Variants in PPM1B observed in about 807,000 individuals in gnomAD.
The protein encoded by PPM1B is protein phosphatase, Mg2+/Mn2+ dependent 1B, also known as protein phosphatase 1B.
Under a neutral mutation model 43.0 loss-of-function variants are expected in PPM1B, and 22 were observed. That is an observed-to-expected ratio of 0.51 (90% CI 0.37 to 0.73). The LOEUF is 0.73. Ranked by LOEUF, PPM1B falls within the 30% of genes least tolerant of loss-of-function variation. PPM1B has a pLI of 0.00. For synonymous variants in PPM1B, 217 were observed against 197.9 expected, an observed-to-expected ratio of 1.10 and a Z score of -0.81; for missense variants, 632 against 584.2, an observed-to-expected ratio of 1.08 and a Z score of -0.84.
At chr2:44,194,103 T>A (rs1457041334) in intron 1 of PPM1B, among the ~76,000 whole-genome samples, 3 of 151,748 alleles carry the variant, frequency 2.0e-5, no homozygotes, top group Non-Finnish European at 4.4e-5. Flanking sequence ...CTCTTAAGGA[T>A]TTTTTTTTCC....
intron 1 of PPM1B, among the ~76,000 whole-genome samples, chr2:44,173,069 C>A (rs1389468862): frequency 6.6e-6 from 1 of 152,248 alleles, no homozygotes; most frequent in Non-Finnish European, 1.5e-5. Context: ...AATCCCAGCA[C>A]TTTGGGAAGC....
Position 44,201,171 on chromosome 2 carries a change from C to A in PPM1B, c.-14-15C>A. On this transcript the variant is annotated splice_polypyrimidine_tract_variant and intron_variant, in intron 1 of 5. Transcript: ENST00000282412. This position sits in a 1 kb window ranked among gnomAD's most constrained non-coding sequence, Gnocchi z 5.4. ...GTCAAATTTAAACATTTAACACCTG[C>A]ATTTTTTATTTCAGATTTATTGCTA... is the stretch of plus-strand genomic sequence containing the variant. The A allele has an allele frequency of 6.4e-7, 1 of 1,557,538 alleles. No homozygotes were observed. Among genetic ancestry groups the A allele is most frequent in the Non-Finnish European group, 8.7e-7 (1 of 1,149,980 alleles).
chr2:44,179,637 A>T (rs1263441304), intron 1 of PPM1B, among the ~76,000 whole-genome samples: 1 of 152,170 alleles, frequency 6.6e-6, no homozygotes, highest in South Asian at 2.1e-4. Flanking sequence ...TTATTTTGTT[A>T]ATTGTGTTTA....
At chr2:44,229,991 A>T in intron 5 of PPM1B, 1 of 1,581,546 alleles carries the variant, frequency 6.3e-7, no homozygotes, top group Non-Finnish European at 8.6e-7. Context: ...CTACTTATTT[A>T]GCAGAAATGA....
rs973103897 is a variant in PPM1B at position 44,168,924 on chromosome 2, C to G, written c.-365C>G. 1.3e-5 allele frequency: 2 copies of G among 153,418 alleles called. No individual in the cohort carries two copies. The highest frequency in any genetic ancestry group is 2.4e-5 in the African/African-American group (1 of 41,464). 9.5% of individuals were successfully genotyped at this position (153,418 alleles called of 1,614,324 possible). ...CTCAATGGCGGAAAAGCCGCCGGTG[C>G]TCTGACGGCCTCGTTCCCCTAGCAG... On this transcript the variant is annotated 5_prime_UTR_variant, in exon 1 of 6. Transcript: ENST00000282412.
intron 1 of PPM1B, among the ~76,000 whole-genome samples, chr2:44,183,251 C>G (rs1667966642): frequency 6.6e-6 from 1 of 152,214 alleles, no homozygotes; most frequent in African/African-American, 2.4e-5. Context: ...ACCACCACTA[C>G]CATCTTAGAC....
intron 1 of PPM1B, among the ~76,000 whole-genome samples, chr2:44,190,180 C>G (rs1171216801): frequency 1.4e-5 from 2 of 141,310 alleles, no homozygotes; most frequent in South Asian, 2.2e-4. Context: ...TTTTTTGAGA[C>G]CGTCTTGCCC....
At chr2:44,182,550 A>G (rs1349188055) in intron 1 of PPM1B, among the ~76,000 whole-genome samples, 1 of 152,172 alleles carries the variant, frequency 6.6e-6, no homozygotes, top group Non-Finnish European at 1.5e-5. Context: ...AGTGAACCAC[A>G]GTGCCTGGCC....
downstream of PPM1B, among the ~76,000 whole-genome samples, chr2:44,236,827 AT>A: frequency 6.6e-6 from 1 of 152,166 alleles, no homozygotes. Context: ...CCTCTTCCAA[AT>A]TGCCTTCATT....
chr2:44,234,337 G>A (rs1419188130), downstream of PPM1B: 67 of 602,474 alleles, frequency 1.1e-4, no homozygotes, highest in Non-Finnish European at 1.3e-4. Flanking sequence ...TGGCCAACAC[G>A]GTGAAACCCT....
chr2:44,220,236 A>C (rs1319540506), intron 5 of PPM1B, among the ~76,000 whole-genome samples: 1 of 150,812 alleles, frequency 6.6e-6, no homozygotes, highest in Admixed American at 6.6e-5. Context: ...TCAAAGTGTC[A>C]ACCCTCATGT....
At chr2:44,181,394 G>A (rs1302869327) in intron 1 of PPM1B, among the ~76,000 whole-genome samples, 1 of 152,180 alleles carries the variant, frequency 6.6e-6, no homozygotes, top group African/African-American at 2.4e-5. Context: ...CTTGATAAGG[G>A]TGTAAAAAAC....
intron 1 of PPM1B, among the ~76,000 whole-genome samples, chr2:44,196,893 A>G (rs1048031583): frequency 6.6e-6 from 1 of 152,202 alleles, no homozygotes; most frequent in East Asian, 1.9e-4. Context: ...ATACATTTCT[A>G]AGCCACCTTA....
intron 1 of PPM1B, among the ~76,000 whole-genome samples, chr2:44,196,110 A>G (rs1668650921): frequency 6.6e-6 from 1 of 152,178 alleles, no homozygotes; most frequent in Admixed American, 6.5e-5. Context: ...ATTGTTAACT[A>G]AAGCCCATAA....
In PPM1B at chr2:44,216,216, A is replaced by G. The variant is rs79307977; in HGVS notation, c.965-1751A>G. 7.4e-3 allele frequency among the ~76,000 whole-genome samples: 1,131 copies of G among 152,312 alleles called. 10 individuals carry two copies. The highest frequency in any genetic ancestry group is 0.026 in the African/African-American group (1,069 of 41,562). ...TAGAAATTATGCATTAATGCATGGT[A>G]GTGGTAAATTGGACTAGAGTAGAGG... is the stretch of plus-strand genomic sequence containing the variant. On this transcript the variant is annotated intron_variant, in intron 3 of 5. Transcript: ENST00000282412.
chr2:44,226,165 CAG>C (rs1334099051), intron 5 of PPM1B, among the ~76,000 whole-genome samples: 1 of 151,886 alleles, frequency 6.6e-6, no homozygotes, highest in African/African-American at 2.4e-5. Flanking sequence ...TTAGTAGAGA[CAG>C]GGTTTCACTG....
chr2:44,185,641 A>G (rs1328944365), intron 1 of PPM1B, among the ~76,000 whole-genome samples: 1 of 152,190 alleles, frequency 6.6e-6, no homozygotes, highest in African/African-American at 2.4e-5. Flanking sequence ...TTATGATTTC[A>G]GAGAATCTGA....
At chr2:44,213,977 T>G (rs1032241962) in intron 3 of PPM1B, among the ~76,000 whole-genome samples, 1 of 152,190 alleles carries the variant, frequency 6.6e-6, no homozygotes, top group Non-Finnish European at 1.5e-5. Flanking sequence ...TAGGAAGAGC[T>G]CTCTAGTTTG....
intron 5 of PPM1B, among the ~76,000 whole-genome samples, chr2:44,226,341 C>G (rs1324641626): frequency 1.3e-5 from 2 of 152,136 alleles, no homozygotes; most frequent in African/African-American, 2.4e-5. Flanking sequence ...CACAGAAATA[C>G]AGGTGATTAA....
Sources: allele counts gnomAD v4.1 joint callset (sites outside exome capture counted in the v4.1 genomes callset), GRCh38; gene constraint gnomAD v4.1.1; non-coding constraint Gnocchi (gnomAD v3.1); transcripts MANE v1.5; gene names NCBI Gene and HGNC (gene_info 2026-07-23, HGNC 2026-07-21).